The following GABRG3 variants were observed in gnomAD, a reference collection of about 807,000 sequenced individuals.
The protein encoded by GABRG3 is gamma-aminobutyric acid receptor subunit gamma-3.
Under a neutral mutation model 48.8 loss-of-function variants are expected in GABRG3, and 25 were observed. That is an observed-to-expected ratio of 0.51 (90% CI 0.37 to 0.72). GABRG3 has a LOEUF of 0.72. Ranked by LOEUF, GABRG3 falls within the 30% of genes least tolerant of loss-of-function variation. The pLI, the probability that GABRG3 is intolerant of heterozygous loss-of-function variation, is 0.00. For missense variants in GABRG3, 394 were observed against 577.9 expected (o/e 0.68, Z 3.26); for synonymous variants, 227 against 217.6 (o/e 1.04, Z -0.38).
intron 5 of GABRG3, among the ~76,000 whole-genome samples, chr15:27,426,073 T>C (rs1227598968): frequency 6.6e-6 from 1 of 152,186 alleles, no homozygotes; most frequent in African/African-American, 2.4e-5. Flanking sequence ...TACTCAGATA[T>C]ACCTGAAGAT....
chr15:26,986,067 T>C (rs1260874925), intron 2 of GABRG3, among the ~76,000 whole-genome samples: 1 of 152,074 alleles, frequency 6.6e-6, no homozygotes, highest in Non-Finnish European at 1.5e-5. Flanking sequence ...AAACCAACCT[T>C]TTCCTTCTCC....
chr15:27,309,614 C>T (rs1438562991), intron 3 of GABRG3, among the ~76,000 whole-genome samples: 2 of 151,938 alleles, frequency 1.3e-5, no homozygotes, highest in Non-Finnish European at 1.5e-5. Context: ...AAAACCATGA[C>T]GTGATAGTGC....
Position 27,051,305 on chromosome 15 carries a change from T to C in GABRG3, c.270+24484T>C, listed in dbSNP as rs190776634. Reference sequence around the variant, plus strand: ...TTGATTTTATTTTTTTTATTGAGGTTATGTCCCTCCAAAATGCATCTATCC... The same window carrying C: ...TTGATTTTATTTTTTTTATTGAGGTCATGTCCCTCCAAAATGCATCTATCC... On this transcript the variant is annotated intron_variant, in intron 3 of 9. Coordinates refer to ENST00000615808, the MANE Select transcript of GABRG3 (RefSeq NM_033223.5). Among the ~76,000 whole-genome samples the C allele has an allele frequency of 2.2e-3, 331 of 152,332 alleles. 2 individuals are homozygous for C. Among genetic ancestry groups the C allele is most frequent in the African/African-American group, 7.6e-3 (318 of 41,572 alleles).
At chr15:27,067,973 G>T (rs1208202218) in intron 3 of GABRG3, among the ~76,000 whole-genome samples, 1 of 152,190 alleles carries the variant, frequency 6.6e-6, no homozygotes, top group Non-Finnish European at 1.5e-5. Flanking sequence ...AGTAGAGAAG[G>T]CTTAGCTAGT....
chr15:27,304,859 G>C (rs1892341110), intron 3 of GABRG3, among the ~76,000 whole-genome samples: 1 of 152,010 alleles, frequency 6.6e-6, no homozygotes, highest in South Asian at 2.1e-4. Flanking sequence ...CAAGTTGAAA[G>C]AGTTCTTTAC....
chr15:27,168,469 G>A (rs1423478198), intron 3 of GABRG3, among the ~76,000 whole-genome samples: 1 of 152,064 alleles, frequency 6.6e-6, no homozygotes, highest in Admixed American at 6.5e-5. Context: ...TAGGACTCTT[G>A]TATCATCTGA....
At chr15:27,016,994 T>A (rs937140266) in intron 2 of GABRG3, among the ~76,000 whole-genome samples, 6 of 152,368 alleles carry the variant, frequency 3.9e-5, no homozygotes, top group Non-Finnish European at 2.9e-5. Flanking sequence ...TGTTCATTTT[T>A]AAAAATTTCA....
intron 6 of GABRG3, among the ~76,000 whole-genome samples, chr15:27,484,738 C>T (rs1161232897): frequency 2.6e-5 from 4 of 152,176 alleles, no homozygotes; most frequent in Admixed American, 1.3e-4. Context: ...ACTCACCTCA[C>T]ACCCAGCCAC....
At chr15:27,341,535 G>A (rs965663219) in intron 5 of GABRG3, among the ~76,000 whole-genome samples, 3 of 152,074 alleles carry the variant, frequency 2.0e-5, no homozygotes, top group African/African-American at 7.2e-5. Context: ...CCATCATCCC[G>A]TTTCATCCTT....
intron 5 of GABRG3, among the ~76,000 whole-genome samples, chr15:27,466,449 C>T (rs1714034215): frequency 7.0e-6 from 1 of 143,232 alleles, no homozygotes; most frequent in South Asian, 2.3e-4. Context: ...GAAAATGATC[C>T]CAATTTCCAA....
intron 3 of GABRG3, among the ~76,000 whole-genome samples, chr15:27,064,434 G>A (rs759270830): frequency 1.3e-5 from 2 of 152,142 alleles, no homozygotes; most frequent in Non-Finnish European, 2.9e-5. Flanking sequence ...AATCTCACCC[G>A]TTCTCAGGAG....
chr15:27,504,209 T>C (rs1178316326), intron 6 of GABRG3, among the ~76,000 whole-genome samples: 1 of 152,096 alleles, frequency 6.6e-6, no homozygotes, highest in African/African-American at 2.4e-5. Context: ...TGATCCTCCT[T>C]TTTTGTTCTA....
rs576358264 is a variant in GABRG3, at chr15:27,508,431, G to T, written c.713-11541G>T. Among the ~76,000 whole-genome samples the T allele has an allele frequency of 7.2e-4, 110 of 151,946 alleles. 1 individual carries two copies. Among genetic ancestry groups the T allele is most frequent in the African/African-American group, 2.6e-3 (106 of 41,480 alleles). Reference sequence around the variant, plus strand: ...TCCCTATTACTTTCTTCCATCTCTTGTATAATTGCTATTATACATTTCATT... The same window carrying T: ...TCCCTATTACTTTCTTCCATCTCTTTTATAATTGCTATTATACATTTCATT... On this transcript the variant is annotated intron_variant, in intron 6 of 9. Coordinates refer to ENST00000615808, the MANE Select transcript of GABRG3 (RefSeq NM_033223.5).
At chr15:27,494,153 A>G (rs1890424790) in intron 6 of GABRG3, among the ~76,000 whole-genome samples, 1 of 152,104 alleles carries the variant, frequency 6.6e-6, no homozygotes, top group African/African-American at 2.4e-5. Context: ...TGGTCATTGT[A>G]AATAATTATG....
At chr15:27,425,768 ATTG>A (rs746496455) in intron 5 of GABRG3, among the ~76,000 whole-genome samples, 4 of 152,204 alleles carry the variant, frequency 2.6e-5, no homozygotes, top group Non-Finnish European at 5.9e-5. Context: ...GGAGAATGTA[ATTG>A]TTGTTGTGTA....
chr15:27,495,775 C>T (rs906331202), intron 6 of GABRG3, among the ~76,000 whole-genome samples: 16 of 152,104 alleles, frequency 1.1e-4, no homozygotes, highest in African/African-American at 1.9e-4. Flanking sequence ...TTTTTGAGGG[C>T]GACTTTAAAA....
At chr15:27,222,756 C>G (rs1358761254) in intron 3 of GABRG3, among the ~76,000 whole-genome samples, 1 of 152,164 alleles carries the variant, frequency 6.6e-6, no homozygotes, top group Admixed American at 6.5e-5. Context: ...TATCATGGTC[C>G]TCTGATTCCA....
At position 27,541,618 on chromosome 15, in the gene GABRG3, T is replaced by G. The variant is rs1420764424; in HGVS notation, c.*8737T>G. Reference sequence around the variant, plus strand: ...CCGAGGGGGCCGCGCCCTGCCCCAGTGCGTGCGCCTCCTGCCCCAGCAGGG... The same window carrying G: ...CCGAGGGGGCCGCGCCCTGCCCCAGGGCGTGCGCCTCCTGCCCCAGCAGGG... On this transcript the variant is annotated 3_prime_UTR_variant, in exon 10 of 10. Transcript: ENST00000615808. The G allele has an allele frequency of 6.6e-6, 1 of 152,214 alleles. No homozygotes were observed. The highest frequency in any genetic ancestry group is 1.5e-5 in the Non-Finnish European group (1 of 68,082). 9.4% of individuals were successfully genotyped at this position (152,214 alleles called of 1,614,324 possible). A position where few individuals can be genotyped will look rare whatever the true frequency, so the allele number is the denominator to read the frequency against.
chr15:27,273,875 T>TG lies in GABRG3; in HGVS notation c.271-52933dup, dbSNP rs142890035. ...TAGCTTAAAACAACAAATGGGATCT[T>TG]GCCATGTCTGGGGTTCAGGAATTCA... On this transcript the variant is annotated intron_variant, in intron 3 of 9. Transcript: ENST00000615808. Among the ~76,000 whole-genome samples, 397 of 152,336 alleles carry TG rather than the reference T, an allele frequency of 2.6e-3. 2 individuals are homozygous for TG. The highest frequency in any genetic ancestry group is 9.3e-3 in the African/African-American group (386 of 41,582).
Sources: gnomAD v4.1 joint callset for allele counts (sites outside exome capture counted in the v4.1 genomes callset) on GRCh38, gnomAD v4.1.1 for gene constraint, MANE v1.5 for transcripts, NCBI Gene and HGNC (gene_info 2026-07-23, HGNC 2026-07-21) for gene names.